BNC2: variants seen among roughly 807,000 people sequenced by gnomAD.
The protein encoded by BNC2 is zinc finger protein basonuclin-2.
BNC2 carries 20 observed loss-of-function variants against 76.3 expected under a neutral mutation model. The ratio of observed to expected loss-of-function variants is 0.26; its 90% CI spans 0.18 to 0.38. The LOEUF (loss-of-function observed/expected upper bound fraction) is 0.38, where lower values mean the gene tolerates loss of function less well. Ranked by LOEUF, BNC2 falls within the 10% of genes least tolerant of loss-of-function variation. BNC2 has a pLI of 1.00. For synonymous variants in BNC2, 582 were observed against 514.8 expected (o/e 1.13, Z -1.77); for missense variants, 1,382 against 1,399.8 (o/e 0.99, Z 0.20).
At chr9:16,557,790 T>C (rs1289060246) in intron 4 of BNC2, among the ~76,000 whole-genome samples, 1 of 152,118 alleles carries the variant, frequency 6.6e-6, no homozygotes, top group Non-Finnish European at 1.5e-5. Context: ...AGAAGCTACA[T>C]TTCCTTTTGG....
chr9:16,847,415 C>G (rs998996630), intron 1 of BNC2, among the ~76,000 whole-genome samples: 427 of 19,680 alleles, frequency 0.022, 2 homozygotes, highest in African/African-American at 0.05. Context: ...GGGGGGGGGG[C>G]GGCGGGCAAC....
chr9:16,583,408 T>C (rs1737412061), intron 3 of BNC2, among the ~76,000 whole-genome samples: 1 of 152,162 alleles, frequency 6.6e-6, no homozygotes, highest in Non-Finnish European at 1.5e-5. Flanking sequence ...AAAAGTATAT[T>C]GCTGCTAATA....
rs1390507899 is a variant in BNC2, at chr9:16,411,619, T to C, written c.*7370A>G. 2 of 152,616 alleles carry C rather than the reference T, an allele frequency of 1.3e-5. No individual in the cohort carries two copies. Among genetic ancestry groups the C allele is most frequent in the East Asian group, 3.9e-4 (2 of 5,194 alleles). The allele number at this position is 152,616 out of a possible 1,614,324, so 9.5% of individuals were successfully genotyped here. A position where few individuals can be genotyped will look rare whatever the true frequency, so the allele number is the denominator to read the frequency against. On this transcript the variant is annotated 3_prime_UTR_variant, in exon 7 of 7. Transcript: ENST00000380672. Reference sequence around the variant, plus strand: ...CTTAAGAAGTATCATGTCAACTAATTGCCTTTGCTCGAACCCAAGAGTCCT... The same window carrying C: ...CTTAAGAAGTATCATGTCAACTAATCGCCTTTGCTCGAACCCAAGAGTCCT...
Position 16,435,992 on chromosome 9 carries a change from G to T in BNC2, c.2202C>A (p.Gly734=). 1 of 1,614,020 alleles carries T rather than the reference G, an allele frequency of 6.2e-7. No homozygotes were observed. ...GCTCATCCCCTTCCATGGATTCCTC[G>T]CCCAGTTTGGGCTCCGAAGACTCAG... ...NESESSEPKL[G]EESMEGDEHI... is the part of the protein sequence containing the mutation. The change falls in exon 6 of 7, where the codon GGC becomes GGA. Residue 734 remains glycine, a synonymous_variant. Coordinates refer to ENST00000380672, the MANE Select transcript of BNC2 (RefSeq NM_017637.6).
In BNC2 at chr9:16,436,101, C is replaced by G. The variant is rs548745485; in HGVS notation, c.2093G>C (p.Arg698Pro). The G allele has an allele frequency of 6.2e-7, 1 of 1,614,134 alleles. No homozygotes were observed. The highest frequency in any genetic ancestry group is 8.5e-7 in the Non-Finnish European group (1 of 1,180,022). The part of the protein sequence containing the change: ...VKDFSKHNRT[R>P]CISRTEIRRA... ...CCTTATTTCAGTCCTTGAAATGCACCGGGTCCTGTTATGCTTAGAAAAGTC... is the reference window on the plus strand; with the variant it reads ...CCTTATTTCAGTCCTTGAAATGCACGGGGTCCTGTTATGCTTAGAAAAGTC... The change falls in exon 6 of 7, where the codon CGG becomes CCG. Residue 698 changes from arginine to proline, a missense_variant. Around this residue, in one of 3 missense-constraint regions of BNC2, gnomAD observed 798 missense variants for 775.5 expected, o/e 1.03. Transcript: ENST00000380672.
At chr9:16,695,645 G>A (rs1482653049) in intron 3 of BNC2, among the ~76,000 whole-genome samples, 3 of 151,172 alleles carry the variant, frequency 2.0e-5, no homozygotes, top group Admixed American at 6.6e-5. Flanking sequence ...AAAGTACTGG[G>A]ATTACAGGCA....
At position 16,424,108 on chromosome 9, in the gene BNC2, A is replaced by C. The variant is rs1820759454; in HGVS notation, c.2640-4459T>G. Among the ~76,000 whole-genome samples, 3 of 152,170 alleles carry C rather than the reference A, an allele frequency of 2.0e-5. No homozygotes were observed. In the South Asian group the frequency reaches 6.2e-4, roughly 32 times the overall value. On this transcript the variant is annotated intron_variant, in intron 6 of 6. Coordinates refer to ENST00000380672, the MANE Select transcript of BNC2 (RefSeq NM_017637.6). ...TCAAGTAAGTGCAAATGCCCTTTAG[A>C]GAGAAAGCAAGTCTTGCCTTGGACT...
intron 5 of BNC2, among the ~76,000 whole-genome samples, chr9:16,540,761 C>T (rs1164809426): frequency 1.3e-5 from 2 of 152,124 alleles, no homozygotes; most frequent in African/African-American, 4.8e-5. Flanking sequence ...GACATTTACC[C>T]CCCTAATAAG....
At chr9:16,539,238 C>T (rs139742020) in intron 5 of BNC2, among the ~76,000 whole-genome samples, 2 of 152,020 alleles carry the variant, frequency 1.3e-5, no homozygotes, top group East Asian at 1.9e-4. Flanking sequence ...TACGACTGGG[C>T]GTGTTGGCTC....
At chr9:16,822,576 G>T (rs1437071614) in intron 1 of BNC2, among the ~76,000 whole-genome samples, 1 of 152,098 alleles carries the variant, frequency 6.6e-6, no homozygotes, top group Admixed American at 6.5e-5. Flanking sequence ...ACAACTTACT[G>T]GGAAACTGCC....
intron 3 of BNC2, among the ~76,000 whole-genome samples, chr9:16,588,335 C>G (rs1049512428): frequency 1.3e-5 from 2 of 152,196 alleles, no homozygotes; most frequent in African/African-American, 4.8e-5. Context: ...AATTGCTTAA[C>G]ACATATTTAG....
At chr9:16,806,032 G>C (rs1008499453) in intron 1 of BNC2, among the ~76,000 whole-genome samples, 22 of 152,246 alleles carry the variant, frequency 1.4e-4, no homozygotes, top group Admixed American at 6.5e-4. Flanking sequence ...AAGAAGGAAA[G>C]GTGTGACCAA....
Position 16,736,441 on chromosome 9 carries a change from CTATT to C in BNC2, c.129+1915_129+1918del, listed in dbSNP as rs889127855. On this transcript the variant is annotated intron_variant, in intron 2 of 6. Coordinates refer to ENST00000380672, the MANE Select transcript of BNC2 (RefSeq NM_017637.6). ...TCAAAAATTTTTATAGAAACAGAGACTATTTATTATTATTATTGTTTATTATTAT... is the reference window on the plus strand; with the variant it reads ...TCAAAAATTTTTATAGAAACAGAGACTATTATTATTATTGTTTATTATTAT... Among the ~76,000 whole-genome samples the C allele has an allele frequency of 8.4e-4, 22 of 26,238 alleles. No individual in the cohort carries two copies. In the East Asian group the frequency reaches 9.6e-3, roughly 11 times the overall value. The allele number at this position is 26,238 out of a possible 152,430, so 17.2% of individuals were successfully genotyped here. A position where few individuals can be genotyped will look rare whatever the true frequency, so the allele number is the denominator to read the frequency against.
At position 16,793,854 on chromosome 9, in the gene BNC2, G is replaced by GT. The variant is rs1220978278; in HGVS notation, c.4-55370dup. On this transcript the variant is annotated intron_variant, in intron 1 of 6. Coordinates refer to ENST00000380672, the MANE Select transcript of BNC2 (RefSeq NM_017637.6). The stretch of plus-strand genomic sequence containing the variant: ...GCCCAGCTAGTTTTTGTTTTTTGTG[G>GT]TTTTTGTTTTTTTGTTTTTTTTTTT... Among the ~76,000 whole-genome samples the GT allele has an allele frequency of 4.9e-3, 415 of 85,506 alleles. 6 individuals are homozygous for GT. The highest frequency in any genetic ancestry group is 0.012 in the Middle Eastern group (2 of 170). The allele number at this position is 85,506 out of a possible 152,430, so 56.1% of individuals were successfully genotyped here. A position where few individuals can be genotyped will look rare whatever the true frequency, so the allele number is the denominator to read the frequency against.
At chr9:16,545,103 T>G (rs1818438942) in intron 5 of BNC2, among the ~76,000 whole-genome samples, 1 of 152,226 alleles carries the variant, frequency 6.6e-6, no homozygotes, top group Non-Finnish European at 1.5e-5. Context: ...CTCTTATTTA[T>G]ATCCAAGTAC....
chr9:16,552,087 C>A, intron 5 of BNC2, among the ~76,000 whole-genome samples: 1 of 151,980 alleles, frequency 6.6e-6, no homozygotes, highest in East Asian at 1.9e-4. Flanking sequence ...AAATGTGTAC[C>A]TTTAGGTACA....
intron 5 of BNC2, among the ~76,000 whole-genome samples, chr9:16,490,219 G>A (rs1419510032): frequency 6.6e-6 from 1 of 152,068 alleles, no homozygotes; most frequent in Non-Finnish European, 1.5e-5. Flanking sequence ...CACATGGCTG[G>A]GGAGGCCTCA....
chr9:16,691,610 A>G (rs1330416261), intron 3 of BNC2, among the ~76,000 whole-genome samples: 1 of 149,330 alleles, frequency 6.7e-6, no homozygotes, highest in East Asian at 2.0e-4. Flanking sequence ...CCTGGGTTCA[A>G]GCGATTCTTC....
chr9:16,767,066 G>GA (rs1379358666), intron 1 of BNC2, among the ~76,000 whole-genome samples: 1 of 152,254 alleles, frequency 6.6e-6, no homozygotes. Flanking sequence ...GTCTACCTAA[G>GA]CATCTCTGAA....
Sources: allele counts gnomAD v4.1 joint callset (sites outside exome capture counted in the v4.1 genomes callset), GRCh38; gene constraint gnomAD v4.1.1; regional missense constraint gnomAD v4.1.1; transcripts MANE v1.5; gene names NCBI Gene and HGNC (gene_info 2026-07-23, HGNC 2026-07-21).